Variants in CDH11 observed in about 807,000 individuals in gnomAD.
CDH11 encodes cadherin-11.
A neutral mutation model predicts 67.8 loss-of-function variants in CDH11; 11 were observed. That is an observed-to-expected ratio of 0.16 (90% CI 0.10 to 0.27). The LOEUF (loss-of-function observed/expected upper bound fraction) is 0.27, where lower values mean the gene tolerates loss of function less well. CDH11 is among the 10% of genes least tolerant of loss of function. The pLI is 1.00. For missense variants in CDH11, 847 were observed against 1,031.2 expected, an observed-to-expected ratio of 0.82 and a Z score of 2.45; for synonymous variants, 419 against 400.0, an observed-to-expected ratio of 1.05 and a Z score of -0.57.
chr16:65,035,661 A>G (rs890518359), intron 2 of CDH11, among the ~76,000 whole-genome samples: 1 of 152,206 alleles, frequency 6.6e-6, no homozygotes, highest in African/African-American at 2.4e-5. Context: ...TCACAATAAT[A>G]ATTCATACTT....
intron 1 of CDH11, among the ~76,000 whole-genome samples, chr16:65,120,937 C>T (rs113440762): frequency 1.3e-5 from 2 of 152,316 alleles, no homozygotes; most frequent in African/African-American, 2.4e-5. Context: ...GCTCTCCTCG[C>T]CGTCCTCCCC....
intron 5 of CDH11, 78 bp from the exon 6 acceptor site, chr16:64,992,013 A>G: frequency 9.8e-7 from 1 of 1,015,792 alleles, no homozygotes; most frequent in East Asian, 2.4e-5. Context: ...GCACTGAGGA[A>G]GCAATGCTGA....
rs749514930 is a variant in CDH11 at position 64,988,195 on chromosome 16, C to T, written c.961G>A (p.Asp321Asn). The T allele has an allele frequency of 6.2e-7, 1 of 1,612,726 alleles. No homozygotes were observed. The highest frequency in any genetic ancestry group is 8.5e-7 in the Non-Finnish European group (1 of 1,179,338). Residue 321 changes from aspartate (D) to asparagine (N), a missense_variant, in exon 7 of 13, where the codon GAC (aspartate) becomes AAC (asparagine). Physicochemically the swap from Asp to Asn is conservative, Grantham distance 23 (BLOSUM62 1). This residue lies in a region of CDH11 where 612 missense variants were observed against 678.7 expected (regional missense o/e 0.90). Coordinates refer to ENST00000268603, the MANE Select transcript of CDH11 (RefSeq NM_001797.4). Reference protein sequence around the residue: ...DGMESFEITTDYETQEGVIKL... With the variant: ...DGMESFEITTNYETQEGVIKL... ...ATCACCCCCTCCTGTGTTTCATAGT[C>T]CGTTGTGATTTCAAACGATTCCATA... is the stretch of plus-strand genomic sequence containing the variant.
chr16:65,011,500 C>T (rs1238619979), intron 2 of CDH11, among the ~76,000 whole-genome samples: 1 of 151,992 alleles, frequency 6.6e-6, no homozygotes, highest in Non-Finnish European at 1.5e-5. Flanking sequence ...AATGTAAGGC[C>T]CCAGACCTAA....
intron 7 of CDH11, chr16:64,985,171 A>T (rs1029384240): frequency 1.3e-5 from 2 of 152,174 alleles, no homozygotes; most frequent in Non-Finnish European, 2.9e-5. Context: ...CCACACAGAG[A>T]TTGTCCAAAT....
At chr16:64,970,611 T>C (rs546903815) in intron 11 of CDH11, among the ~76,000 whole-genome samples, 1 of 152,296 alleles carries the variant, frequency 6.6e-6, no homozygotes, top group South Asian at 2.1e-4. Flanking sequence ...ATGGTACTGA[T>C]GATAGTGATA....
chr16:65,015,706 A>G (rs1214528808), intron 2 of CDH11, among the ~76,000 whole-genome samples: 1 of 152,178 alleles, frequency 6.6e-6, no homozygotes, highest in Admixed American at 6.5e-5. Flanking sequence ...TGAACTAAGA[A>G]TAACAATCTG....
chr16:65,106,651 T>C (rs990632917), intron 1 of CDH11, among the ~76,000 whole-genome samples: 2 of 152,172 alleles, frequency 1.3e-5, no homozygotes, highest in Admixed American at 6.5e-5. Context: ...ACTGAATGTA[T>C]ACATCTTCTT....
intron 2 of CDH11, among the ~76,000 whole-genome samples, chr16:65,049,383 C>G (rs1304498972): frequency 6.6e-6 from 1 of 152,112 alleles, no homozygotes; most frequent in Non-Finnish European, 1.5e-5. Context: ...GACCCTGTCT[C>G]TACCCATCGC....
intron 11 of CDH11, among the ~76,000 whole-genome samples, chr16:64,963,580 C>T (rs1261075815): frequency 1.3e-5 from 2 of 152,086 alleles, no homozygotes; most frequent in South Asian, 2.1e-4. Flanking sequence ...AGATACCAAA[C>T]CACAGATGCA....
chr16:65,122,234 A>G, upstream of CDH11: 1 of 487,462 alleles, frequency 2.1e-6, no homozygotes, highest in Non-Finnish European at 3.6e-6. Flanking sequence ...TGGGCCTCGC[A>G]GAGGCTGCGG....
intron 1 of CDH11, among the ~76,000 whole-genome samples, chr16:65,067,939 G>T (rs1175716215): frequency 8.5e-6 from 1 of 117,934 alleles, no homozygotes; most frequent in Admixed American, 8.7e-5. Context: ...AGGGAGAAAT[G>T]AACGGAGGGA....
rs369832077 is a variant in CDH11 at position 64,950,941 on chromosome 16, T to A, written c.1720A>T (p.Ile574Phe). The A allele has an allele frequency of 1.9e-6, 3 of 1,614,040 alleles. No individual in the cohort carries two copies. Among genetic ancestry groups the A allele is most frequent in the Non-Finnish European group, 1.7e-6 (2 of 1,180,046 alleles). The change falls in exon 12 of 13, where the codon ATC becomes TTC. Residue 574 changes from isoleucine (I) to phenylalanine (F), a missense_variant. This residue lies in a region of CDH11 where 612 missense variants were observed against 678.7 expected (regional missense o/e 0.90). Coordinates refer to ENST00000268603, the MANE Select transcript of CDH11 (RefSeq NM_001797.4). ...KQDLYLLPIV[I>F]SDGGIPPMSS... is the part of the protein sequence containing the mutation. ...ATGGGCGGGATGCCGCCATCGCTGA[T>A]CACTATGGGCAGAAGGTACAAGTCC... is the stretch of plus-strand genomic sequence containing the variant.
At chr16:65,119,725 T>C (rs991476135) in intron 1 of CDH11, among the ~76,000 whole-genome samples, 2 of 152,198 alleles carry the variant, frequency 1.3e-5, no homozygotes, top group Admixed American at 1.3e-4. Context: ...GACTCTGAAG[T>C]AACAACTAAA....
intron 2 of CDH11, among the ~76,000 whole-genome samples, chr16:65,007,731 T>G (rs1285911932): frequency 6.6e-6 from 1 of 152,238 alleles, no homozygotes; most frequent in Non-Finnish European, 1.5e-5. Flanking sequence ...TATTCATGAT[T>G]AGAGTTTCAG....
chr16:65,059,504 T>C (rs761071622), intron 1 of CDH11: 2 of 152,164 alleles, frequency 1.3e-5, no homozygotes, highest in Non-Finnish European at 2.9e-5. Context: ...ATTGTCACCA[T>C]GGTAATTACT....
chr16:65,024,579 C>A (rs1192072383), intron 2 of CDH11, among the ~76,000 whole-genome samples: 1 of 152,130 alleles, frequency 6.6e-6, no homozygotes, highest in Non-Finnish European at 1.5e-5. Context: ...GTACTAATCC[C>A]ATTTCAAATT....
intron 1 of CDH11, among the ~76,000 whole-genome samples, chr16:65,101,522 C>T (rs1268863040): frequency 1.3e-5 from 2 of 152,122 alleles, no homozygotes; most frequent in Non-Finnish European, 2.9e-5. Context: ...CTTTCTTCCT[C>T]ATTTTTATTT....
At chr16:65,115,267 C>A (rs866795164) in intron 1 of CDH11, among the ~76,000 whole-genome samples, 10 of 152,120 alleles carry the variant, frequency 6.6e-5, no homozygotes, top group South Asian at 2.1e-4. Context: ...ATCCCAACTG[C>A]CTCTTGAATA....
Sources: gnomAD v4.1 joint callset for allele counts (sites outside exome capture counted in the v4.1 genomes callset) on GRCh38, gnomAD v4.1.1 for gene constraint, gnomAD v4.1.1 regional missense constraint, MANE v1.5 for transcripts, NCBI Gene and HGNC (gene_info 2026-07-23, HGNC 2026-07-21) for gene names.